The following SORCS1 variants were observed in gnomAD, a reference collection of about 807,000 sequenced individuals.
SORCS1 encodes VPS10 domain-containing receptor SorCS1.
SORCS1 carries 60 observed loss-of-function variants against 146.1 expected under a neutral mutation model. The observed-to-expected ratio is 0.41, with a 90% confidence interval of 0.33 to 0.51. SORCS1 has a LOEUF of 0.51. SORCS1 is among the 20% of genes least tolerant of loss of function. The pLI is 0.21. For missense variants in SORCS1, 1,352 were observed against 1,487.6 expected (o/e 0.91, Z 1.50); for synonymous variants, 637 against 584.0 (o/e 1.09, Z -1.31).
chr10:106,986,539 T>C (rs899309843), intron 1 of SORCS1, among the ~76,000 whole-genome samples: 24 of 151,646 alleles, frequency 1.6e-4, no homozygotes, highest in Admixed American at 6.6e-5. Context: ...TGTGTGTGTG[T>C]GTGTGTGTGT....
chr10:107,096,048 T>C (rs979235479), intron 1 of SORCS1, among the ~76,000 whole-genome samples: 1 of 152,182 alleles, frequency 6.6e-6, no homozygotes, highest in Non-Finnish European at 1.5e-5. Context: ...CCCATTTCCA[T>C]CCAGCTGGAA....
chr10:107,178,618 A>T, the SORCS1 span, among the ~76,000 whole-genome samples: 15 of 151,928 alleles, frequency 9.9e-5, no homozygotes, highest in Non-Finnish European at 1.9e-4. Context: ...CTTGCTGAGT[A>T]GCTGGGACTA....
chr10:106,937,057 G>A (rs1477305733), intron 2 of SORCS1, among the ~76,000 whole-genome samples: 1 of 152,104 alleles, frequency 6.6e-6, no homozygotes, highest in Non-Finnish European at 1.5e-5. Context: ...ATCTTGAATT[G>A]TAGCTCCCAT....
intron 3 of SORCS1, among the ~76,000 whole-genome samples, chr10:106,820,965 A>G (rs1947991731): frequency 6.6e-6 from 1 of 152,258 alleles, no homozygotes; most frequent in South Asian, 2.1e-4. Context: ...GGCCAGCCAG[A>G]CCTCAGAGAA....
intron 2 of SORCS1, among the ~76,000 whole-genome samples, chr10:106,875,272 G>A (rs1950554459): frequency 1.3e-5 from 2 of 152,132 alleles, no homozygotes; most frequent in African/African-American, 4.8e-5. Context: ...CTCTATTCAA[G>A]TTGCCACAAA....
chr10:106,695,518 A>C (rs965190248), intron 9 of SORCS1, among the ~76,000 whole-genome samples: 1 of 152,148 alleles, frequency 6.6e-6, no homozygotes, highest in Non-Finnish European at 1.5e-5. Flanking sequence ...TCTGCCACTT[A>C]CCATCTTTGC....
intron 17 of SORCS1, among the ~76,000 whole-genome samples, chr10:106,662,605 T>C (rs759661111): frequency 6.6e-6 from 1 of 152,192 alleles, no homozygotes; most frequent in Non-Finnish European, 1.5e-5. Context: ...GAGGTGACCA[T>C]GGATGGCTTA....
At chr10:106,938,946 G>A (rs1455621941) in intron 2 of SORCS1, among the ~76,000 whole-genome samples, 4 of 152,174 alleles carry the variant, frequency 2.6e-5, no homozygotes, top group Admixed American at 2.6e-4. Context: ...AATTTGTTAA[G>A]TTTTGAAGAG....
At chr10:106,802,655 T>G (rs540769902) in intron 3 of SORCS1, among the ~76,000 whole-genome samples, 1 of 152,180 alleles carries the variant, frequency 6.6e-6, no homozygotes, top group East Asian at 1.9e-4. Context: ...TGCCCCACCA[T>G]GCCCAGCTAA....
chr10:107,084,765 A>C (rs1012891707), intron 1 of SORCS1, among the ~76,000 whole-genome samples: 1 of 152,194 alleles, frequency 6.6e-6, no homozygotes, highest in Non-Finnish European at 1.5e-5. Flanking sequence ...AATGAGACTA[A>C]GTAAATTCTA....
At chr10:106,891,646 TGA>T (rs1951242346) in intron 2 of SORCS1, among the ~76,000 whole-genome samples, 3 of 152,052 alleles carry the variant, frequency 2.0e-5, no homozygotes, top group Non-Finnish European at 4.4e-5. Flanking sequence ...ATTACAGGCA[TGA>T]ACCACGGCAC....
chr10:106,949,260 T>G (rs1056929661), intron 2 of SORCS1, among the ~76,000 whole-genome samples: 1 of 152,214 alleles, frequency 6.6e-6, no homozygotes, highest in Non-Finnish European at 1.5e-5. Flanking sequence ...TTTTAGGATG[T>G]GCATATAGCC....
intron 1 of SORCS1, among the ~76,000 whole-genome samples, chr10:106,980,217 A>G (rs180983449): frequency 3.6e-4 from 55 of 152,350 alleles, no homozygotes; most frequent in Middle Eastern, 3.4e-3. Context: ...GTGTCTAACC[A>G]TTTCCATGGG....
chr10:106,648,630 A>T (rs1445464523), intron 18 of SORCS1, among the ~76,000 whole-genome samples: 1 of 151,820 alleles, frequency 6.6e-6, no homozygotes, highest in Non-Finnish European at 1.5e-5. Context: ...TATTTTTAGC[A>T]TTTCTTTTTA....
chr10:107,158,291 C>T (rs549667187), intron 1 of SORCS1, among the ~76,000 whole-genome samples: 26 of 152,268 alleles, frequency 1.7e-4, no homozygotes, highest in Non-Finnish European at 2.8e-4. Flanking sequence ...TTGCTTAACT[C>T]ATATTTTTCA....
At chr10:107,179,856 C>G in the SORCS1 span, among the ~76,000 whole-genome samples, 1 of 128,234 alleles carries the variant, frequency 7.8e-6, no homozygotes, top group Non-Finnish European at 1.7e-5. Context: ...TTTTCCCACT[C>G]TTTAGCATGT....
At chr10:106,889,757 G>A (rs1334226642) in intron 2 of SORCS1, among the ~76,000 whole-genome samples, 2 of 151,742 alleles carry the variant, frequency 1.3e-5, no homozygotes, top group African/African-American at 2.4e-5. Flanking sequence ...TAAATTGGTC[G>A]GGCGGTAGTC....
chr10:106,777,866 T>C (rs1589855582), intron 3 of SORCS1, among the ~76,000 whole-genome samples: 1 of 152,298 alleles, frequency 6.6e-6, no homozygotes, highest in East Asian at 1.9e-4. Context: ...AACTTATTAA[T>C]TGGTACTTTC....
At chr10:107,023,462 A>T (rs141207612) in intron 1 of SORCS1, among the ~76,000 whole-genome samples, 2 of 152,298 alleles carry the variant, frequency 1.3e-5, no homozygotes, top group African/African-American at 4.8e-5. Flanking sequence ...TCATGCACCA[A>T]ATTTAATCCC....
Sources: gnomAD v4.1 joint callset for allele counts (sites outside exome capture counted in the v4.1 genomes callset) on GRCh38, gnomAD v4.1.1 for gene constraint, MANE v1.5 for transcripts, NCBI Gene and HGNC (gene_info 2026-07-23, HGNC 2026-07-21) for gene names.